The following PAPSS2 variants were observed in gnomAD, a reference collection of about 807,000 sequenced individuals.
The protein encoded by PAPSS2 is 3'-phosphoadenosine 5'-phosphosulfate synthase 2, also known as bifunctional 3'-phosphoadenosine 5'-phosphosulfate synthase 2.
In PAPSS2, 61 loss-of-function variants were observed where a neutral mutation model predicts 66.5. That is an observed-to-expected ratio of 0.92 (90% CI 0.75 to 1.14). The LOEUF is 1.14. PAPSS2 is among the 50% of genes most tolerant of loss of function. The pLI is 0.00. For synonymous variants in PAPSS2, 289 were observed against 287.5 expected (o/e 1.01, Z -0.05); for missense variants, 708 against 789.6 (o/e 0.90, Z 1.24).
intron 9 of PAPSS2, among the ~76,000 whole-genome samples, chr10:87,732,274 G>C (rs765191628): frequency 2.0e-5 from 3 of 152,158 alleles, no homozygotes; most frequent in East Asian, 3.8e-4. Context: ...GGCTCACCCT[G>C]TAATCCCAAC....
intron 1 of PAPSS2, among the ~76,000 whole-genome samples, chr10:87,690,931 A>G (rs1853164399): frequency 6.6e-6 from 1 of 152,104 alleles, no homozygotes; most frequent in South Asian, 2.1e-4. Context: ...ACAACCCATC[A>G]TGACCCTGTG....
chr10:87,702,365 C>T (rs1853329313), intron 1 of PAPSS2, among the ~76,000 whole-genome samples: 1 of 152,164 alleles, frequency 6.6e-6, no homozygotes, highest in African/African-American at 2.4e-5. Context: ...GTTTTCAGAT[C>T]TGTAAATGGA....
intron 7 of PAPSS2, among the ~76,000 whole-genome samples, 174 bp downstream of exon 7, chr10:87,716,017 T>G (rs1006744668): frequency 1.3e-5 from 2 of 152,200 alleles, no homozygotes; most frequent in African/African-American, 4.8e-5. Context: ...ATTTTTAGGA[T>G]TTTTTGGTTG....
intron 10 of PAPSS2, among the ~76,000 whole-genome samples, chr10:87,742,013 C>T (rs1325945862): frequency 2.0e-5 from 3 of 152,190 alleles, no homozygotes; most frequent in African/African-American, 7.2e-5. Flanking sequence ...CCGCCTCAGC[C>T]TCCCAAAGTG....
chr10:87,699,315 G>A (rs939053456), intron 1 of PAPSS2, among the ~76,000 whole-genome samples: 14 of 152,124 alleles, frequency 9.2e-5, no homozygotes, highest in African/African-American at 3.1e-4. Context: ...TGCAGTCAAA[G>A]TTTCCCTCTG....
chr10:87,683,589 A>C (rs1353490897), intron 1 of PAPSS2, among the ~76,000 whole-genome samples: 1 of 152,200 alleles, frequency 6.6e-6, no homozygotes, highest in Non-Finnish European at 1.5e-5. Flanking sequence ...TTGTTGTGGA[A>C]ATCATTTGTC....
intron 8 of PAPSS2, among the ~76,000 whole-genome samples, chr10:87,724,513 C>T (rs1035485596): frequency 6.6e-6 from 1 of 151,340 alleles, no homozygotes; most frequent in African/African-American, 2.4e-5. Context: ...AAACAGGATG[C>T]ATATCTGTGT....
intron 1 of PAPSS2, among the ~76,000 whole-genome samples, chr10:87,673,916 A>C (rs1281026844): frequency 6.6e-6 from 1 of 151,982 alleles, no homozygotes; most frequent in Non-Finnish European, 1.5e-5. Flanking sequence ...AAGGTCCCAG[A>C]GCTCTCCTTT....
intron 1 of PAPSS2, among the ~76,000 whole-genome samples, chr10:87,674,192 T>G (rs536085136): frequency 1.3e-5 from 2 of 152,296 alleles, no homozygotes; most frequent in East Asian, 3.9e-4. Context: ...TGAGATGAAG[T>G]CTTGCTCTGT....
intron 1 of PAPSS2, among the ~76,000 whole-genome samples, chr10:87,683,544 C>A (rs551220514): frequency 6.6e-6 from 1 of 152,182 alleles, no homozygotes; most frequent in African/African-American, 2.4e-5. Context: ...TTTGCATTCA[C>A]GTGCAGGGTT....
intron 1 of PAPSS2, among the ~76,000 whole-genome samples, chr10:87,667,888 G>T (rs1852833017): frequency 6.6e-6 from 1 of 152,114 alleles, no homozygotes; most frequent in Admixed American, 6.5e-5. Flanking sequence ...GTTAACACCT[G>T]CTTTATGTTT....
chr10:87,701,254 T>C (rs1336034695), intron 1 of PAPSS2, among the ~76,000 whole-genome samples: 1 of 146,644 alleles, frequency 6.8e-6, no homozygotes, highest in Non-Finnish European at 1.5e-5. Context: ...CTTTTTTCTT[T>C]CTTTCTTCCT....
chr10:87,665,847 C>G lies in PAPSS2; in HGVS notation c.27+5839C>G, dbSNP rs1201973271. On this transcript the variant is annotated intron_variant, in intron 1 of 12. Coordinates refer to ENST00000456849, the MANE Select transcript of PAPSS2 (RefSeq NM_001015880.2). The stretch of plus-strand genomic sequence containing the variant: ...ATGTATGCTCCTCTCAGCAAATATG[C>G]CCCATAAGGATAAAAGTGCCTCTCT... Among the ~76,000 whole-genome samples, 6 of 152,288 alleles carry G rather than the reference C, an allele frequency of 3.9e-5. No homozygotes were observed. The East Asian group carries it at 1.2e-3, about 29-fold the overall frequency.
At chr10:87,688,848 CTTAA>C (rs1478805727) in intron 1 of PAPSS2, among the ~76,000 whole-genome samples, 1 of 152,028 alleles carries the variant, frequency 6.6e-6, no homozygotes, top group Admixed American at 6.5e-5. Flanking sequence ...CTCTCTTTTT[CTTAA>C]TTGCTTGAAG....
chr10:87,680,476 G>A (rs182513068), intron 1 of PAPSS2, among the ~76,000 whole-genome samples: 2 of 152,284 alleles, frequency 1.3e-5, no homozygotes, highest in East Asian at 3.9e-4. Context: ...TGGGCCAGAA[G>A]GAGCCATGGT....
At chr10:87,718,036 C>CT (rs202164500) in intron 7 of PAPSS2, among the ~76,000 whole-genome samples, 3 of 151,130 alleles carry the variant, frequency 2.0e-5, no homozygotes, top group Non-Finnish European at 4.4e-5. Context: ...TTTTTCTTTT[C>CT]TTTTTTTTCT....
At chr10:87,708,988 A>G (rs1372318887) in intron 1 of PAPSS2, among the ~76,000 whole-genome samples, 1 of 152,208 alleles carries the variant, frequency 6.6e-6, no homozygotes. Context: ...ATATATATAC[A>G]TGTAGCTAAT....
At chr10:87,735,435 G>A (rs770274187) in intron 9 of PAPSS2, among the ~76,000 whole-genome samples, 4 of 152,160 alleles carry the variant, frequency 2.6e-5, no homozygotes, top group African/African-American at 7.2e-5. Flanking sequence ...CTAGTGTCCA[G>A]AATAAATTAC....
chr10:87,731,704 C>A (rs2131723311), intron 9 of PAPSS2, among the ~76,000 whole-genome samples: 1 of 152,282 alleles, frequency 6.6e-6, no homozygotes, highest in East Asian at 1.9e-4. Context: ...GGGTTCAAGA[C>A]TTCAGTAGAG....
Sources: gnomAD v4.1 joint callset for allele counts (sites outside exome capture counted in the v4.1 genomes callset) on GRCh38, gnomAD v4.1.1 for gene constraint, MANE v1.5 for transcripts, NCBI Gene and HGNC (gene_info 2026-07-23, HGNC 2026-07-21) for gene names.